The following C8B variants were observed in gnomAD, a reference collection of about 807,000 sequenced individuals.
C8B encodes complement component C8 beta chain.
A neutral mutation model predicts 64.6 loss-of-function variants in C8B; 67 were observed. That is an observed-to-expected ratio of 1.04 (90% confidence interval 0.85 to 1.27). The LOEUF (loss-of-function observed/expected upper bound fraction) is 1.27, where lower values mean the gene tolerates loss of function less well. Ranked by LOEUF, C8B falls within the 50% of genes most tolerant of loss-of-function variation. C8B has a pLI of 0.00. For missense variants in C8B, 790 were observed against 725.2 expected, an observed-to-expected ratio of 1.09 and a Z score of -1.03; for synonymous variants, 284 against 257.7, an observed-to-expected ratio of 1.10 and a Z score of -0.98.
chr1:56,960,282 A>G, intron 1 of C8B, 106 bp from the exon 2 acceptor site: 1 of 1,040,466 alleles, frequency 9.6e-7, no homozygotes, highest in South Asian at 1.3e-5. Flanking sequence ...TCACTTGTGC[A>G]AGGCTATTAG....
chr1:56,933,224 C>T, intron 10 of C8B, 111 bp downstream of exon 10: 1 of 912,992 alleles, frequency 1.1e-6, no homozygotes, highest in East Asian at 2.4e-5. Flanking sequence ...TAGTATCTCC[C>T]AGTGGACTAA....
At chr1:56,932,174 A>G (rs112445852) in intron 10 of C8B, among the ~76,000 whole-genome samples, 1,904 of 152,292 alleles carry the variant, frequency 0.013, 39 homozygotes, top group African/African-American at 0.043. Flanking sequence ...CTACATTAGC[A>G]GTCACTGAGG....
At chr1:56,929,586 A>C (rs752403508) in intron 11 of C8B, 28 bp from the exon 12 acceptor site, 5 of 1,609,594 alleles carry the variant, frequency 3.1e-6, no homozygotes, top group Non-Finnish European at 4.3e-6. Flanking sequence ...AATAAGCATC[A>C]ATCAGCACTT....
intron 9 of C8B, among the ~76,000 whole-genome samples, chr1:56,939,610 G>A (rs764285897): frequency 1.3e-5 from 2 of 152,152 alleles, no homozygotes; most frequent in African/African-American, 2.4e-5. Flanking sequence ...GTCCCCACAG[G>A]CAAGGACCTA....
intron 9 of C8B, among the ~76,000 whole-genome samples, chr1:56,940,210 T>TAATTTAATTGATTA (rs1291166220): frequency 1.3e-5 from 2 of 152,188 alleles, no homozygotes; most frequent in Non-Finnish European, 2.9e-5. Flanking sequence ...AAAGGAATAT[T>TAATTTAATTGATTA]AATTTAATTG....
chr1:56,963,788 G>T, intron 1 of C8B: 1 of 805,802 alleles, frequency 1.2e-6, no homozygotes, highest in Non-Finnish European at 1.5e-6. Flanking sequence ...TAGCTGTGAG[G>T]ATTATAGCTA....
chr1:56,945,154 C>T (rs1644923110), intron 7 of C8B, among the ~76,000 whole-genome samples: 1 of 152,212 alleles, frequency 6.6e-6, no homozygotes, highest in Non-Finnish European at 1.5e-5. Flanking sequence ...GAATCAGAAT[C>T]TACCTCTTCC....
intron 9 of C8B, among the ~76,000 whole-genome samples, chr1:56,933,966 G>A (rs1202282249): frequency 6.6e-6 from 1 of 152,074 alleles, no homozygotes; most frequent in Non-Finnish European, 1.5e-5. Context: ...ACATCACTAA[G>A]CCCTCCAAAC....
chr1:56,951,680 G>T (rs1426445477), intron 5 of C8B, among the ~76,000 whole-genome samples: 2 of 152,108 alleles, frequency 1.3e-5, no homozygotes, highest in Admixed American at 6.5e-5. Context: ...CTCCCTGCAG[G>T]GTAGGACCTC....
intron 8 of C8B, among the ~76,000 whole-genome samples, chr1:56,941,623 T>C (rs898288056): frequency 2.6e-5 from 4 of 152,344 alleles, no homozygotes; most frequent in Admixed American, 1.3e-4. Context: ...TGATATTTTC[T>C]TTTACCAGAT....
At chr1:56,948,159 A>G (rs1185509781) in intron 6 of C8B, among the ~76,000 whole-genome samples, 1 of 152,094 alleles carries the variant, frequency 6.6e-6, no homozygotes, top group Non-Finnish European at 1.5e-5. Context: ...GAGAGAAGGA[A>G]ATGGGGAGGG....
chr1:56,931,963 C>G, intron 10 of C8B, 85 bp from the exon 11 acceptor site: 2 of 935,330 alleles, frequency 2.1e-6, no homozygotes, highest in East Asian at 2.5e-5. Flanking sequence ...CACTGCAGTT[C>G]CATCAGGTTA....
At position 56,931,813 on chromosome 1, in the gene C8B, T is replaced by C; in HGVS notation, c.1618A>G (p.Lys540Glu). ...QGLACEVSYR[K>E]NTPIDGKWNC... The stretch of plus-strand genomic sequence containing the variant: ...GTTCCTTTTCCAATTAACTTACTCT[T>C]CCGATAGGAGACCTCACAGGCTAGG... Residue 540 changes from lysine to glutamate, a missense_variant, in exon 11 of 12, where the codon AAG becomes GAG. By Grantham distance (56) the Lys-to-Glu change is moderately conservative (BLOSUM62 1). Transcript: ENST00000371237. 1 of 1,607,262 alleles carries C rather than the reference T, an allele frequency of 6.2e-7. No individual in the cohort carries two copies. The highest frequency in any genetic ancestry group is 1.1e-5 in the South Asian group (1 of 90,956).
At chr1:56,961,145 T>C (rs897034851) in intron 1 of C8B, among the ~76,000 whole-genome samples, 8 of 152,204 alleles carry the variant, frequency 5.3e-5, no homozygotes, top group South Asian at 2.1e-4. Context: ...TTAATTTGCC[T>C]GGGCCTTCAG....
At chr1:56,952,598 C>T (rs759831966) in intron 4 of C8B, among the ~76,000 whole-genome samples, 8 of 152,150 alleles carry the variant, frequency 5.3e-5, no homozygotes, top group Non-Finnish European at 4.4e-5. Flanking sequence ...GTGCTCGCAC[C>T]GTTGTGCATT....
intron 6 of C8B, among the ~76,000 whole-genome samples, chr1:56,947,030 C>A (rs1274548973): frequency 6.6e-6 from 1 of 152,192 alleles, no homozygotes; most frequent in East Asian, 1.9e-4. Flanking sequence ...ACTAGGTACT[C>A]TGTTCATTAT....
chr1:56,954,764 T>C lies in C8B; in HGVS notation c.455A>G (p.Glu152Gly). Residue 152 changes from glutamate to glycine, a missense_variant, in exon 4 of 12, where the codon GAA becomes GGA. Physicochemically the swap from Glu to Gly is moderately conservative, Grantham distance 98. Transcript: ENST00000371237. ...TTTATAAATCCTTCTACAGTTTGCT[T>C]CATCTGACTGGTCTCCACAGTCATT... Reference protein sequence around the residue: ...GDNDCGDQSDEANCRRIYKKC... With the variant: ...GDNDCGDQSDGANCRRIYKKC... 1 of 1,614,178 alleles carries C rather than the reference T, an allele frequency of 6.2e-7. No individual in the cohort carries two copies. The highest frequency in any genetic ancestry group is 8.5e-7 in the Non-Finnish European group (1 of 1,180,006).
rs1225249388 is a variant in C8B at position 56,963,814 on chromosome 1, T to C, written c.92+2043A>G. ...ATTATAGCTAATGTTTCCAAGTTGCTGGCACAGAGTGGCAATACATAATAG... is the reference window on the plus strand; with the variant it reads ...ATTATAGCTAATGTTTCCAAGTTGCCGGCACAGAGTGGCAATACATAATAG... On this transcript the variant is annotated intron_variant, in intron 1 of 11. Coordinates refer to ENST00000371237, the MANE Select transcript of C8B (RefSeq NM_000066.4). 5 of 961,376 alleles carry C rather than the reference T, an allele frequency of 5.2e-6. No homozygotes were observed. In the African/African-American group the frequency reaches 8.8e-5, roughly 17 times the overall value. The allele number at this position is 961,376 out of a possible 1,614,324, so 59.6% of individuals were successfully genotyped here.
intron 9 of C8B, among the ~76,000 whole-genome samples, chr1:56,935,586 C>G (rs1644764767): frequency 6.6e-6 from 1 of 152,240 alleles, no homozygotes; most frequent in African/African-American, 2.4e-5. Context: ...TTAGTGATAA[C>G]AAATAATTAT....
Sources: gnomAD v4.1 joint callset for allele counts (sites outside exome capture counted in the v4.1 genomes callset) on GRCh38, gnomAD v4.1.1 for gene constraint, MANE v1.5 for transcripts, NCBI Gene and HGNC (gene_info 2026-07-23, HGNC 2026-07-21) for gene names.